Variants in ZDHHC14 observed in about 807,000 individuals in gnomAD.
ZDHHC14 encodes the protein palmitoyltransferase ZDHHC14.
Under a neutral mutation model 47.7 loss-of-function variants are expected in ZDHHC14, and 16 were observed. The ratio of observed to expected loss-of-function variants is 0.34; its 90% CI spans 0.23 to 0.51. The LOEUF (loss-of-function observed/expected upper bound fraction) is 0.51, where lower values mean the gene tolerates loss of function less well. Among genes scored for constraint, ZDHHC14 ranks in the 20% least tolerant of loss-of-function variants. The pLI, the probability that ZDHHC14 is intolerant of heterozygous loss-of-function variation, is 0.97. For synonymous variants in ZDHHC14, 293 were observed against 278.9 expected (o/e 1.05, Z -0.50); for missense variants, 515 against 662.5 (o/e 0.78, Z 2.44).
At chr6:157,426,259 G>A (rs769362338) in intron 1 of ZDHHC14, among the ~76,000 whole-genome samples, 3 of 152,182 alleles carry the variant, frequency 2.0e-5, no homozygotes, top group Non-Finnish European at 4.4e-5. Context: ...TGCTGGGTGG[G>A]GAGGTGGGGA....
At chr6:157,562,489 T>C (rs1401441514) in intron 2 of ZDHHC14, among the ~76,000 whole-genome samples, 1 of 152,138 alleles carries the variant, frequency 6.6e-6, no homozygotes, top group African/African-American at 2.4e-5. Flanking sequence ...GGGCTCTCCA[T>C]GCGATTCTCT....
chr6:157,565,663 A>G (rs1332148329), intron 2 of ZDHHC14, among the ~76,000 whole-genome samples: 1 of 152,114 alleles, frequency 6.6e-6, no homozygotes, highest in Admixed American at 6.5e-5. Flanking sequence ...TACTAAAAAT[A>G]CAAAAATTAG....
chr6:157,571,776 ATTTTTTTTTT>A (rs548623336), intron 2 of ZDHHC14, among the ~76,000 whole-genome samples: 1 of 122,518 alleles, frequency 8.2e-6, no homozygotes, highest in African/African-American at 3.1e-5. Flanking sequence ...AGGAATCTGT[ATTTTTTTTTT>A]TTTTTTTTTT....
At chr6:157,443,451 C>T (rs867930397) in intron 1 of ZDHHC14, among the ~76,000 whole-genome samples, 24 of 152,290 alleles carry the variant, frequency 1.6e-4, no homozygotes, top group African/African-American at 3.1e-4. Context: ...TTTTGCTCTG[C>T]GGCTATCCCT....
At chr6:157,528,906 G>A (rs970160630) in intron 1 of ZDHHC14, among the ~76,000 whole-genome samples, 1 of 151,082 alleles carries the variant, frequency 6.6e-6, no homozygotes, top group South Asian at 2.1e-4. Flanking sequence ...GACTGGGGGT[G>A]GGAGTGGGCA....
chr6:157,584,363 G>C (rs1217408550), intron 2 of ZDHHC14, among the ~76,000 whole-genome samples: 3 of 152,162 alleles, frequency 2.0e-5, no homozygotes, highest in African/African-American at 7.2e-5. Flanking sequence ...CCAGCCCAAG[G>C]GCAGTTAGGG....
intron 1 of ZDHHC14, among the ~76,000 whole-genome samples, chr6:157,418,449 T>A (rs886788880): frequency 3.3e-5 from 5 of 152,222 alleles, no homozygotes; most frequent in Non-Finnish European, 7.3e-5. Flanking sequence ...GCACTTTGCT[T>A]TCTAGAGGAT....
At chr6:157,649,465 G>A (rs587547) in intron 7 of ZDHHC14, among the ~76,000 whole-genome samples, 47,402 of 152,046 alleles carry the variant, frequency 0.31, 7,991 homozygotes, top group Non-Finnish European at 0.39. Flanking sequence ...CCTCCCTCTC[G>A]TCCCCTCTTG....
chr6:157,562,058 A>T (rs1313576579), intron 2 of ZDHHC14, among the ~76,000 whole-genome samples: 1 of 152,188 alleles, frequency 6.6e-6, no homozygotes, highest in Non-Finnish European at 1.5e-5. Flanking sequence ...CAGTTCCTCA[A>T]CTCACACAGC....
chr6:157,560,227 C>T (rs761396084), intron 2 of ZDHHC14, among the ~76,000 whole-genome samples: 8 of 152,204 alleles, frequency 5.3e-5, no homozygotes, highest in Admixed American at 3.3e-4. Context: ...AAGAGCGTGT[C>T]AGCCAGGAAG....
intron 5 of ZDHHC14, among the ~76,000 whole-genome samples, chr6:157,640,585 C>T (rs1443406608): frequency 6.6e-6 from 1 of 152,178 alleles, no homozygotes; most frequent in Non-Finnish European, 1.5e-5. Flanking sequence ...TGCAGCTGTG[C>T]TGAGAAGTGA....
chr6:157,453,788 T>TTTTTTGTGTGTGTGTGTGTGTGTGTG lies in ZDHHC14; in HGVS notation c.245+71523_245+71524insTTTTGTGTGTGTGTGTGTGTGTGTGT, dbSNP rs3220439. 3.1e-3 allele frequency among the ~76,000 whole-genome samples: 460 copies of TTTTTTGTGTGTGTGTGTGTGTGTGTG among 148,192 alleles called. 6 individuals carry two copies. The highest frequency in any genetic ancestry group is 0.011 in the African/African-American group (441 of 39,572). ...TTCTAAGGCCATTGTTTTTTGTGTT[T>TTTTTTGTGTGTGTGTGTGTGTGTGTG]TGTGTGTGTGTGTGTGTGTGTGTGT... On this transcript the variant is annotated intron_variant, in intron 1 of 8. Transcript: ENST00000359775.
intron 1 of ZDHHC14, among the ~76,000 whole-genome samples, chr6:157,465,441 C>T (rs1779188587): frequency 1.3e-5 from 2 of 151,932 alleles, no homozygotes. Flanking sequence ...ATGCCCAAGC[C>T]CATTAAAACA....
intron 1 of ZDHHC14, among the ~76,000 whole-genome samples, chr6:157,507,574 G>A (rs1208825779): frequency 6.6e-6 from 1 of 152,164 alleles, no homozygotes; most frequent in African/African-American, 2.4e-5. Context: ...GAGCCACTGT[G>A]CCCAGCCTCC....
At chr6:157,528,605 G>A (rs1380428783) in intron 1 of ZDHHC14, among the ~76,000 whole-genome samples, 9 of 152,052 alleles carry the variant, frequency 5.9e-5, no homozygotes, top group Non-Finnish European at 4.4e-5. Flanking sequence ...GGTGGCAGGT[G>A]CCTGTAGTCC....
At chr6:157,419,426 G>C (rs1778053279) in intron 1 of ZDHHC14, among the ~76,000 whole-genome samples, 1 of 152,192 alleles carries the variant, frequency 6.6e-6, no homozygotes, top group Non-Finnish European at 1.5e-5. Flanking sequence ...GTATGGTACA[G>C]TATCATACAA....
chr6:157,439,829 G>A (rs1778527277), intron 1 of ZDHHC14, among the ~76,000 whole-genome samples: 2 of 152,184 alleles, frequency 1.3e-5, no homozygotes, highest in Non-Finnish European at 2.9e-5. Context: ...CTATGCTGCT[G>A]TAAAAGCAGA....
At chr6:157,504,812 T>TTTGTTTTGTTTTGTG (rs1780284953) in intron 1 of ZDHHC14, among the ~76,000 whole-genome samples, 1 of 151,974 alleles carries the variant, frequency 6.6e-6, no homozygotes, top group African/African-American at 2.4e-5. Context: ...TTTGTTTTGT[T>TTTGTTTTGTTTTGTG]TTGTTTTGTT....
In ZDHHC14 at chr6:157,614,294, A is replaced by G. The variant is rs372290437; in HGVS notation, c.566-14055A>G. On this transcript the variant is annotated intron_variant, in intron 3 of 8. Coordinates refer to ENST00000359775, the MANE Select transcript of ZDHHC14 (RefSeq NM_024630.3). ...ACTCACAGCTGCTCACAAAAATTAC[A>G]GTCAACTTTACCACATTTACTAGCT... Among the ~76,000 whole-genome samples the G allele has an allele frequency of 1.1e-4, 16 of 151,406 alleles. No individual in the cohort carries two copies. The South Asian group carries it at 3.1e-3, about 30-fold the overall frequency.
Sources: gnomAD v4.1 joint callset for allele counts (sites outside exome capture counted in the v4.1 genomes callset) on GRCh38, gnomAD v4.1.1 for gene constraint, MANE v1.5 for transcripts, NCBI Gene and HGNC (gene_info 2026-07-23, HGNC 2026-07-21) for gene names.